OR4E2: variants seen among roughly 807,000 people sequenced by gnomAD.
OR4E2 encodes the protein olfactory receptor 4E2.
In OR4E2, 9 loss-of-function variants were observed where a neutral mutation model predicts 11.0. The ratio of observed to expected loss-of-function variants is 0.82; its 90% CI spans 0.49 to 1.43. OR4E2 has a LOEUF of 1.43. Ranked by LOEUF, OR4E2 falls within the 40% of genes most tolerant of loss-of-function variation. OR4E2 has a pLI of 0.00. For missense variants in OR4E2, 441 were observed against 382.0 expected, an observed-to-expected ratio of 1.15 and a Z score of -1.29; for synonymous variants, 159 against 147.3, an observed-to-expected ratio of 1.08 and a Z score of -0.57.
chr14:21,665,763 A>G lies in OR4E2; in HGVS notation c.681A>G (p.Lys227=), dbSNP rs1880611905. The G allele has an allele frequency of 6.2e-7, 1 of 1,613,656 alleles. No homozygotes were observed. Among genetic ancestry groups the G allele is most frequent in the African/African-American group, 1.3e-5 (1 of 74,794 alleles). ...SYMVILVSLR[K]HSAEGRRKAL... The stretch of plus-strand genomic sequence containing the variant: ...TGGTCATCCTGGTTTCTCTTCGAAA[A>G]CACTCAGCTGAAGGGCGCCGGAAAG... Residue 227 remains lysine, a synonymous_variant, in exon 4 of 4, where the codon AAA becomes AAG. Transcript: ENST00000641524.
At chr14:21,656,675 T>C (rs569916822) in intron 2 of OR4E2, 86 bp downstream of exon 2, 27 of 152,346 alleles carry the variant, frequency 1.8e-4, no homozygotes, top group African/African-American at 5.8e-4. Flanking sequence ...GTACTTGGTA[T>C]TGAGCAAGAC....
rs139293809 is a variant in OR4E2, at chr14:21,665,265, C to T, written c.183C>T (p.Phe61=). ...FTPSLHTPMY[F]FLSNLSFIDI... ...CAAGTCTCCATACCCCCATGTATTT[C>T]TTCCTGAGCAATCTGTCCTTTATTG... The change falls in exon 4 of 4, where the codon TTC becomes TTT. Residue 61 remains phenylalanine (F), a synonymous_variant. Coordinates refer to ENST00000641524, the MANE Select transcript of OR4E2 (RefSeq NM_001001912.3). 1.5e-4 allele frequency: 248 copies of T among 1,614,144 alleles called. No homozygotes were observed. The African/African-American group carries it at 2.9e-3, about 19-fold the overall frequency.
intron 2 of OR4E2, among the ~76,000 whole-genome samples, chr14:21,658,451 G>T (rs1259572801): frequency 6.6e-6 from 1 of 152,188 alleles, no homozygotes; most frequent in Non-Finnish European, 1.5e-5. Context: ...GGAAAATCAT[G>T]TTCCTCTTGG....
rs1247710879 is a variant in OR4E2, at chr14:21,653,879, A to C, written c.-251A>C. The C allele has an allele frequency of 6.6e-6, 1 of 152,202 alleles. No homozygotes were observed. Among genetic ancestry groups the C allele is most frequent in the Non-Finnish European group, 1.5e-5 (1 of 68,030 alleles). The allele number at this position is 152,202 out of a possible 1,614,324, so 9.4% of individuals were successfully genotyped here. A position where few individuals can be genotyped will look rare whatever the true frequency, so the allele number is the denominator to read the frequency against. ...TTTGAGTTTCATGATTTTATATCCT[A>C]GGCTTCTATAATAGGGTATCAGAGG... On this transcript the variant is annotated 5_prime_UTR_variant, in exon 1 of 4. Coordinates refer to ENST00000641524, the MANE Select transcript of OR4E2 (RefSeq NM_001001912.3).
intron 2 of OR4E2, among the ~76,000 whole-genome samples, chr14:21,656,833 C>A (rs1446619117): frequency 6.6e-6 from 1 of 152,190 alleles, no homozygotes; most frequent in Non-Finnish European, 1.5e-5. Flanking sequence ...CACACACAGA[C>A]AAAACACACA....
At position 21,657,553 on chromosome 14, in the gene OR4E2, GTC is replaced by G. The variant is rs1234140909; in HGVS notation, c.-103+985_-103+986del. On this transcript the variant is annotated intron_variant, in intron 2 of 3. Transcript: ENST00000641524. Reference sequence around the variant, plus strand: ...TCTTTCTTTCTTTCTTTTTCTGTCTGTCTCTCTCTCTCTCTCTCTCTCCCCCT... The same window carrying G: ...TCTTTCTTTCTTTCTTTTTCTGTCTGTCTCTCTCTCTCTCTCTCTCCCCCT... 2.4e-3 allele frequency among the ~76,000 whole-genome samples: 264 copies of G among 111,782 alleles called. 4 individuals are homozygous for G. The highest frequency in any genetic ancestry group is 5.9e-3 in the Middle Eastern group (1 of 170). 73.3% of individuals were successfully genotyped at this position (111,782 alleles called of 152,430 possible).
rs780198559 is a variant in OR4E2 at position 21,665,603 on chromosome 14, T to C, written c.521T>C (p.Ile174Thr). 3 of 1,614,022 alleles carry C rather than the reference T, an allele frequency of 1.9e-6. No individual in the cohort carries two copies. In the African/African-American group the frequency reaches 4.0e-5, roughly 22 times the overall value. ...IRLPYCGPNI[I>T]DSYFCDVPLV... ...CTACCTTACTGTGGCCCCAACATTATTGACAGCTACTTCTGTGATGTGCCT... is the reference window on the plus strand; with the variant it reads ...CTACCTTACTGTGGCCCCAACATTACTGACAGCTACTTCTGTGATGTGCCT... Residue 174 changes from isoleucine to threonine, a missense_variant, in exon 4 of 4, where the codon ATT becomes ACT. Transcript: ENST00000641524.
intron 1 of OR4E2, among the ~76,000 whole-genome samples, chr14:21,655,471 C>A (rs2139794505): frequency 6.6e-6 from 1 of 152,124 alleles, no homozygotes. Context: ...TCGAGACCAA[C>A]CTGGGAAACA....
intron 2 of OR4E2, among the ~76,000 whole-genome samples, chr14:21,658,351 C>G (rs1257095721): frequency 6.6e-6 from 1 of 152,146 alleles, no homozygotes; most frequent in African/African-American, 2.4e-5. Flanking sequence ...ATAGGCAGTT[C>G]TCTTATATCA....
chr14:21,662,753 T>C (rs1880402939), intron 3 of OR4E2, among the ~76,000 whole-genome samples: 1 of 152,242 alleles, frequency 6.6e-6, no homozygotes, highest in South Asian at 2.1e-4. Context: ...CCCTGTGAAC[T>C]ACTGTTCCTA....
At chr14:21,660,123 G>A (rs560633949) in intron 2 of OR4E2, among the ~76,000 whole-genome samples, 110 of 152,106 alleles carry the variant, frequency 7.2e-4, no homozygotes, top group African/African-American at 2.5e-3. Flanking sequence ...GACTGGGGGT[G>A]GGGGCGATTG....
chr14:21,657,277 C>G (rs1400241180), intron 2 of OR4E2, among the ~76,000 whole-genome samples: 2 of 152,114 alleles, frequency 1.3e-5, no homozygotes, highest in Admixed American at 1.3e-4. Flanking sequence ...CTGGGTCACT[C>G]TTTGGGACAT....
At chr14:21,660,286 G>C (rs931688889) in intron 2 of OR4E2, among the ~76,000 whole-genome samples, 6 of 152,196 alleles carry the variant, frequency 3.9e-5, no homozygotes, top group African/African-American at 1.4e-4. Flanking sequence ...GAGCTCAGGT[G>C]GTGATGCTGA....
Position 21,664,189 on chromosome 14 carries a change from C to A in OR4E2, c.-8-886C>A, listed in dbSNP as rs555323864. On this transcript the variant is annotated intron_variant, in intron 3 of 3. Transcript: ENST00000641524. ...TGAGGAATCACCACACTGTCTTCCA[C>A]AATGGTTGAACTAATTTACAGTCCC... Among the ~76,000 whole-genome samples the A allele has an allele frequency of 2.3e-4, 35 of 152,302 alleles. 1 individual carries two copies. The highest frequency in any genetic ancestry group is 2.2e-3 in the Admixed American group (33 of 15,298).
rs1566581766 is a variant in OR4E2, at chr14:21,657,401, CCTTCCTT to C, written c.-103+813_-103+819del. Among the ~76,000 whole-genome samples the C allele has an allele frequency of 3.2e-4, 40 of 126,478 alleles. 2 individuals carry two copies. The Admixed American group carries it at 3.6e-3, about 11-fold the overall frequency. The allele number at this position is 126,478 out of a possible 152,430, so 83.0% of individuals were successfully genotyped here. On this transcript the variant is annotated intron_variant, in intron 2 of 3. Transcript: ENST00000641524. ...TCCTTCCTTCCTTTCTTTCTTCCTT[CCTTCCTT>C]TCTTTCTTTCTTTCTCTTTCTTTCT...
At chr14:21,664,926 T>C (rs1264290444) in intron 3 of OR4E2, 149 bp from the exon 4 acceptor site, 2 of 591,552 alleles carry the variant, frequency 3.4e-6, no homozygotes, top group Non-Finnish European at 5.9e-6. Flanking sequence ...AAGTAGTGGG[T>C]ATACTGTAAC....
intron 2 of OR4E2, among the ~76,000 whole-genome samples, chr14:21,659,677 C>T (rs904800973): frequency 3.9e-5 from 6 of 152,022 alleles, no homozygotes; most frequent in Admixed American, 6.6e-5. Flanking sequence ...GTAATCTATT[C>T]CTAACGGAAT....
intron 3 of OR4E2, among the ~76,000 whole-genome samples, chr14:21,661,860 C>T (rs929502423): frequency 1.2e-4 from 18 of 151,970 alleles, no homozygotes; most frequent in African/African-American, 4.1e-4. Flanking sequence ...CTTTAGTTAC[C>T]AGTTTCTTTA....
chr14:21,659,914 G>A (rs141284218), intron 2 of OR4E2, among the ~76,000 whole-genome samples: 1 of 151,924 alleles, frequency 6.6e-6, no homozygotes, highest in Admixed American at 6.6e-5. Context: ...AATAAAAAAG[G>A]TAGATCAGGA....
Sources: gnomAD v4.1 joint callset for allele counts (sites outside exome capture counted in the v4.1 genomes callset) on GRCh38, gnomAD v4.1.1 for gene constraint, MANE v1.5 for transcripts, NCBI Gene and HGNC (gene_info 2026-07-23, HGNC 2026-07-21) for gene names.